NPLOC4: variants seen among roughly 807,000 people sequenced by gnomAD.
NPLOC4 encodes the protein nuclear protein localization protein 4 homolog.
In NPLOC4, 18 loss-of-function variants were observed where a neutral mutation model predicts 80.6. That is an observed-to-expected ratio of 0.22 (90% CI 0.15 to 0.33). The LOEUF is 0.33. Among genes scored for constraint, NPLOC4 ranks in the 10% least tolerant of loss-of-function variants. The pLI is 1.00. For missense variants in NPLOC4, 540 were observed against 786.1 expected, an observed-to-expected ratio of 0.69 and a Z score of 3.74; for synonymous variants, 313 against 301.5, an observed-to-expected ratio of 1.04 and a Z score of -0.39.
At chr17:81,621,047 AAAAG>A (rs1302028045) in intron 3 of NPLOC4, among the ~76,000 whole-genome samples, 2 of 151,924 alleles carry the variant, frequency 1.3e-5, no homozygotes, top group African/African-American at 2.4e-5. Flanking sequence ...AAGGAAAAGG[AAAAG>A]AAAGGAAGGA....
intron 12 of NPLOC4, among the ~76,000 whole-genome samples, chr17:81,583,219 A>C (rs960813975): frequency 6.6e-6 from 1 of 152,266 alleles, no homozygotes; most frequent in Non-Finnish European, 1.5e-5. Flanking sequence ...AAGATATACA[A>C]AGATGTCACA....
At position 81,596,110 on chromosome 17, in the gene NPLOC4, T is replaced by C. The variant is rs1310542972; in HGVS notation, c.1120+6A>G. On this transcript the variant is annotated splice_donor_region_variant and intron_variant, in intron 11 of 16. Transcript: ENST00000331134. ...ATATTTACAGTACATACTGTCCCTG[T>C]TATACCTGTAGCCACTGCAGTAACA... is the stretch of plus-strand genomic sequence containing the variant. 1 of 1,613,682 alleles carries C rather than the reference T, an allele frequency of 6.2e-7. No homozygotes were observed. The highest frequency in any genetic ancestry group is 1.7e-5 in the Admixed American group (1 of 59,966).
At chr17:81,599,031 A>G (rs539160678) in intron 9 of NPLOC4, among the ~76,000 whole-genome samples, 1 of 152,378 alleles carries the variant, frequency 6.6e-6, no homozygotes, top group South Asian at 2.1e-4. Flanking sequence ...GCTCACGCCC[A>G]TAATCCCAGA....
rs2034335540 is a variant in NPLOC4 at position 81,577,583 on chromosome 17, A to G, written c.1282-5495T>C. Among the ~76,000 whole-genome samples the G allele has an allele frequency of 6.6e-6, 1 of 152,052 alleles. No individual in the cohort carries two copies. Among genetic ancestry groups the G allele is most frequent in the African/African-American group, 2.4e-5 (1 of 41,356 alleles). ...TTCTGGGTTAATTTAGGCTTTCTCC[A>G]CAGATAGTCTGAAAAGGGAACTATT... On this transcript the variant is annotated intron_variant, in intron 12 of 16. Transcript: ENST00000331134. This position sits in a 1 kb window ranked among gnomAD's most constrained non-coding sequence, Gnocchi z 4.3.
chr17:81,602,980 TACACACACAC>T (rs150613321), intron 8 of NPLOC4, among the ~76,000 whole-genome samples: 275 of 145,056 alleles, frequency 1.9e-3, no homozygotes, highest in African/African-American at 6.1e-3. Context: ...TATACACAAA[TACACACACAC>T]ACACACACAC....
chr17:81,631,815 C>T (rs1170236025), intron 1 of NPLOC4, among the ~76,000 whole-genome samples: 1 of 151,650 alleles, frequency 6.6e-6, no homozygotes, highest in Non-Finnish European at 1.5e-5. Flanking sequence ...TTTTTTTTCC[C>T]CGAGATGAAG....
At chr17:81,568,148 T>TCC (rs2034063571) in intron 14 of NPLOC4, 2 of 144,960 alleles carry the variant, frequency 1.4e-5, no homozygotes. Flanking sequence ...TGCGCCCTGG[T>TCC]CCCCCGGTGG....
At chr17:81,595,055 A>T (rs1242891874) in intron 11 of NPLOC4, among the ~76,000 whole-genome samples, 1 of 151,950 alleles carries the variant, frequency 6.6e-6, no homozygotes, top group Non-Finnish European at 1.5e-5. Flanking sequence ...TTTTTTTCCA[A>T]ATGTTTTATT....
chr17:81,589,498 G>A (rs1282997271), intron 11 of NPLOC4, among the ~76,000 whole-genome samples: 2 of 149,498 alleles, frequency 1.3e-5, no homozygotes, highest in African/African-American at 2.5e-5. Context: ...AGATTGTGCC[G>A]CTGCACTCCA....
intron 3 of NPLOC4, among the ~76,000 whole-genome samples, chr17:81,617,162 G>T (rs2035516772): frequency 6.6e-6 from 1 of 152,204 alleles, no homozygotes; most frequent in Non-Finnish European, 1.5e-5. Flanking sequence ...CTGGAGGCCA[G>T]CGGGCCAATG....
intron 16 of NPLOC4, 33 bp downstream of exon 16, chr17:81,565,472 C>T (rs777472951): frequency 6.5e-5 from 99 of 1,512,296 alleles, no homozygotes; most frequent in Middle Eastern, 6.3e-4. Flanking sequence ...GCCCCAGCCA[C>T]GGGGTGCCGG....
intron 1 of NPLOC4, among the ~76,000 whole-genome samples, chr17:81,631,436 A>ATATATTTTTTT (rs1330720098): frequency 8.5e-6 from 1 of 117,070 alleles, no homozygotes; most frequent in African/African-American, 3.1e-5. Context: ...ATATATATAT[A>ATATATTTTTTT]TTTTTTTTTT....
chr17:81,561,948 G>A (rs972540057), intron 16 of NPLOC4: 2 of 152,166 alleles, frequency 1.3e-5, no homozygotes, highest in Non-Finnish European at 2.9e-5. Context: ...ATCCTGAGCT[G>A]ATCTTTGTGT....
chr17:81,636,643 A>G (rs2144361194), intron 1 of NPLOC4, among the ~76,000 whole-genome samples: 1 of 152,254 alleles, frequency 6.6e-6, no homozygotes, highest in East Asian at 1.9e-4. Context: ...TCTTCGCCAC[A>G]GTCCATTCTC....
chr17:81,567,355 A>G lies in NPLOC4; in HGVS notation c.1566+62T>C. On this transcript the variant is annotated intron_variant, in intron 15 of 16. Transcript: ENST00000331134. The surrounding 1 kb of genome is among the most constrained non-coding windows in gnomAD (Gnocchi z 4.5). ...GGTCTGGGAGGAAAGAAAGCAAGAC[A>G]CAGGCGTCTCTTTGCAGCCAAAGCC... The G allele has an allele frequency of 2.0e-6, 2 of 984,118 alleles. No individual in the cohort carries two copies. The highest frequency in any genetic ancestry group is 3.2e-6 in the Non-Finnish European group (2 of 623,752). 61.0% of individuals were successfully genotyped at this position (984,118 alleles called of 1,614,324 possible).
At chr17:81,610,670 AGGCCGGGCGCGGTGGCTCACGCCTGT>A (rs2035317297) in intron 4 of NPLOC4, among the ~76,000 whole-genome samples, 1 of 125,150 alleles carries the variant, frequency 8.0e-6, no homozygotes, top group African/African-American at 2.7e-5. Flanking sequence ...GACACAAACC[AGGCCGGGCGCGGTGGCTCACGCCTGT>A]AATCCCAGCA....
intron 4 of NPLOC4, 75 bp downstream of exon 4, chr17:81,613,243 T>C: frequency 3.8e-6 from 5 of 1,299,642 alleles, no homozygotes; most frequent in Non-Finnish European, 5.2e-6. Context: ...AAACAAGACA[T>C]GTTATAAATA....
chr17:81,624,327 A>G (rs1414644206), intron 2 of NPLOC4, among the ~76,000 whole-genome samples: 1 of 152,190 alleles, frequency 6.6e-6, no homozygotes, highest in African/African-American at 2.4e-5. Flanking sequence ...CTGCGGCAAG[A>G]GAATTGCTTG....
At chr17:81,585,174 A>AT (rs1392582641) in intron 12 of NPLOC4, among the ~76,000 whole-genome samples, 1 of 146,018 alleles carries the variant, frequency 6.8e-6, no homozygotes, top group Non-Finnish European at 1.5e-5. Context: ...TGTCGCCAAA[A>AT]AAAAAAAAAA....
Sources: gnomAD v4.1 joint callset for allele counts (sites outside exome capture counted in the v4.1 genomes callset) on GRCh38, gnomAD v4.1.1 for gene constraint, Gnocchi (gnomAD v3.1) non-coding constraint, MANE v1.5 for transcripts, NCBI Gene and HGNC (gene_info 2026-07-23, HGNC 2026-07-21) for gene names.